ABCC11: variants seen among roughly 807,000 people sequenced by gnomAD.
ABCC11 encodes the protein ATP-binding cassette sub-family C member 11.
In ABCC11, 135 loss-of-function variants were observed where a neutral mutation model predicts 149.3. That is an observed-to-expected ratio of 0.90 (90% CI 0.79 to 1.04). ABCC11 has a LOEUF of 1.04. Among genes scored for constraint, ABCC11 ranks in the 50% least tolerant of loss-of-function variants. The probability of loss-of-function intolerance (pLI) is 0.00; values close to 1 mark genes in which losing one functional copy is unlikely to be tolerated. For synonymous variants in ABCC11, 665 were observed against 671.4 expected (o/e 0.99, Z 0.15); for missense variants, 1,680 against 1,722.1 (o/e 0.98, Z 0.43).
At chr16:48,232,151 T>A in intron 1 of ABCC11, 2 of 1,209,844 alleles carry the variant, frequency 1.7e-6, no homozygotes, top group Non-Finnish European at 2.1e-6. Context: ...AATCACTTAG[T>A]GAAACCTTCT....
chr16:48,245,105 T>C (rs1174194773), intron 1 of ABCC11, among the ~76,000 whole-genome samples: 8 of 152,204 alleles, frequency 5.3e-5, no homozygotes, highest in Non-Finnish European at 1.0e-4. Flanking sequence ...GTTTTAACTT[T>C]TCCTGTTTCA....
chr16:48,226,258 A>G (rs567052716), intron 4 of ABCC11, among the ~76,000 whole-genome samples: 1 of 145,912 alleles, frequency 6.9e-6, no homozygotes, highest in African/African-American at 2.6e-5. Flanking sequence ...CCATGAAATA[A>G]ATTTATGATC....
At chr16:48,184,765 T>G in intron 22 of ABCC11, 139 bp from the exon 23 acceptor site, 1 of 846,102 alleles carries the variant, frequency 1.2e-6, no homozygotes, top group South Asian at 1.8e-5. Context: ...TTTGGGGAGT[T>G]CCTCCCTACC....
intron 1 of ABCC11, among the ~76,000 whole-genome samples, chr16:48,236,929 C>T (rs1253892553): frequency 6.6e-6 from 1 of 152,132 alleles, no homozygotes; most frequent in Non-Finnish European, 1.5e-5. Context: ...GCCATTGATG[C>T]CTAGTGTTCC....
At chr16:48,199,274 G>C (rs1967721034) in intron 15 of ABCC11, among the ~76,000 whole-genome samples, 1 of 152,030 alleles carries the variant, frequency 6.6e-6, no homozygotes, top group African/African-American at 2.4e-5. Context: ...CAGGAGAGCA[G>C]AAAGGGAGAA....
At chr16:48,169,645 T>G (rs140910713) in intron 28 of ABCC11, among the ~76,000 whole-genome samples, 1 of 151,738 alleles carries the variant, frequency 6.6e-6, no homozygotes, top group Non-Finnish European at 1.5e-5. Context: ...AAACCATCAC[T>G]CTCAGCAAAC....
chr16:48,245,604 C>T lies in ABCC11; in HGVS notation c.-19+1710G>A, dbSNP rs115851823. ...TTGAAAGTCCTATGTTTTAGCCCCT[C>T]CGTCCCAGGGAAACCAGGAGGTTGG... On this transcript the variant is annotated intron_variant, in intron 1 of 29. Transcript: ENST00000356608. Among the ~76,000 whole-genome samples, 953 of 152,236 alleles carry T rather than the reference C, an allele frequency of 6.3e-3. 11 individuals are homozygous for T. Among genetic ancestry groups the T allele is most frequent in the African/African-American group, 0.022 (909 of 41,520 alleles).
chr16:48,244,848 G>T (rs1971263580), intron 1 of ABCC11, among the ~76,000 whole-genome samples: 2 of 152,202 alleles, frequency 1.3e-5, no homozygotes, highest in South Asian at 4.1e-4. Context: ...GTGAAACTAC[G>T]CAGTTCCCTA....
Position 48,224,373 on chromosome 16 carries a change from A to C in ABCC11, c.452T>G (p.Val151Gly). 1 of 1,614,218 alleles carries C rather than the reference A, an allele frequency of 6.2e-7. No homozygotes were observed. The highest frequency in any genetic ancestry group is 8.5e-7 in the Non-Finnish European group (1 of 1,180,026). Reference protein sequence around the residue: ...VSRRGIEKASVLLVMLRFQRT... With the variant: ...VSRRGIEKASGLLVMLRFQRT... Reference sequence around the variant, plus strand: ...CTGGAACCTCAGCATCACCAGAAGCACTGAAGCTTTTTCAATCCCTCGCCT... The same window carrying C: ...CTGGAACCTCAGCATCACCAGAAGCCCTGAAGCTTTTTCAATCCCTCGCCT... Residue 151 changes from valine (V) to glycine (G), a missense_variant, in exon 5 of 30, where the codon GTG (valine) becomes GGG (glycine). Transcript: ENST00000356608.
intron 9 of ABCC11, among the ~76,000 whole-genome samples, chr16:48,214,390 C>T (rs892589315): frequency 4.6e-5 from 7 of 152,162 alleles, no homozygotes; most frequent in African/African-American, 1.7e-4. Flanking sequence ...GGTGCTGCCT[C>T]CTGGCCTCCC....
intron 19 of ABCC11, 81 bp from the exon 20 acceptor site, chr16:48,192,798 G>T (rs1439586872): frequency 1.5e-6 from 2 of 1,350,538 alleles, no homozygotes; most frequent in Non-Finnish European, 1.0e-6. Context: ...CTGGGGCCAC[G>T]TGAGAATCTG....
Position 48,177,177 on chromosome 16 carries a change from G to A in ABCC11, c.3349-64C>T, listed in dbSNP as rs866202316. 5.7e-4 allele frequency: 856 copies of A among 1,511,682 alleles called. 1 individual carries two copies. In the Middle Eastern group the frequency reaches 8.6e-3, roughly 15 times the overall value. 93.6% of individuals were successfully genotyped at this position (1,511,682 alleles called of 1,614,324 possible). The stretch of plus-strand genomic sequence containing the variant: ...ATCTATCTCGGCCCATCCCCTGCGG[G>A]CCTGCCAGCCTCCCGCTGTAGGGGG... On this transcript the variant is annotated intron_variant, in intron 24 of 29. Transcript: ENST00000356608.
At chr16:48,227,334 C>T (rs1005476623) in intron 4 of ABCC11, among the ~76,000 whole-genome samples, 12 of 151,892 alleles carry the variant, frequency 7.9e-5, no homozygotes, top group South Asian at 4.2e-4. Context: ...ATTAGCCGGA[C>T]GTGGTGGCAA....
chr16:48,167,754 C>G, intron 28 of ABCC11, 94 bp from the exon 29 acceptor site: 1 of 1,358,212 alleles, frequency 7.4e-7, no homozygotes, highest in Non-Finnish European at 1.0e-6. Context: ...AGGGCCCTTC[C>G]TCTCCAGGTC....
At chr16:48,176,804 C>T in intron 25 of ABCC11, 120 bp downstream of exon 25, 2 of 1,208,260 alleles carry the variant, frequency 1.7e-6, no homozygotes, top group Non-Finnish European at 2.3e-6. Flanking sequence ...GGGCCCAGCA[C>T]AGCATGAGGA....
In ABCC11 at chr16:48,200,610, T is replaced by C. The variant is rs938368131; in HGVS notation, c.1879-131A>G. 3.2e-6 allele frequency: 3 copies of C among 934,972 alleles called. No individual in the cohort carries two copies. The African/African-American group carries it at 5.0e-5, about 16-fold the overall frequency. 57.9% of individuals were successfully genotyped at this position (934,972 alleles called of 1,614,324 possible). On this transcript the variant is annotated intron_variant, in intron 14 of 29. Transcript: ENST00000356608. ...AGATATGCACACACTCCAGGATACC[T>C]GATAATTTGGCATTCTGGACTTAAA...
chr16:48,189,347 G>A (rs1371378253), intron 20 of ABCC11, among the ~76,000 whole-genome samples: 2 of 152,168 alleles, frequency 1.3e-5, no homozygotes, highest in East Asian at 3.9e-4. Context: ...CAATGGTGGC[G>A]ACAAAGGGAA....
Position 48,213,563 on chromosome 16 carries a change from G to GGGA in ABCC11, c.1249-16_1249-14dup. Reference sequence around the variant, plus strand: ...GCATGCTGAAGGCCTGGATAAGAAGGGGAGGAGGTGGTGAGGGTCGTGGCC... The same window carrying GGGA: ...GCATGCTGAAGGCCTGGATAAGAAGGGGAGGAGGAGGTGGTGAGGGTCGTGGCC... On this transcript the variant is annotated splice_polypyrimidine_tract_variant and intron_variant, in intron 9 of 29. Coordinates refer to ENST00000356608, the MANE Select transcript of ABCC11 (RefSeq NM_001370497.1). 2 of 1,600,700 alleles carry GGGA rather than the reference G, an allele frequency of 1.2e-6. No homozygotes were observed. Among genetic ancestry groups the GGGA allele is most frequent in the Non-Finnish European group, 1.7e-6 (2 of 1,173,246 alleles).
chr16:48,220,412 G>C (rs999728871), intron 6 of ABCC11, among the ~76,000 whole-genome samples: 1 of 152,202 alleles, frequency 6.6e-6, no homozygotes, highest in Non-Finnish European at 1.5e-5. Flanking sequence ...TAATGACTTG[G>C]AGCAACGTAT....
Sources: gnomAD v4.1 joint callset for allele counts (sites outside exome capture counted in the v4.1 genomes callset) on GRCh38, gnomAD v4.1.1 for gene constraint, MANE v1.5 for transcripts, NCBI Gene and HGNC (gene_info 2026-07-23, HGNC 2026-07-21) for gene names.